GALNT17: variants seen among roughly 807,000 people sequenced by gnomAD.
GALNT17 encodes UDP-GalNAc:polypeptide N-acetylgalactosaminyltransferase-like 3.
A neutral mutation model predicts 63.7 loss-of-function variants in GALNT17; 29 were observed. The ratio of observed to expected loss-of-function variants is 0.46; its 90% confidence interval spans 0.34 to 0.62. The LOEUF is 0.62. Among genes scored for constraint, GALNT17 ranks in the 20% least tolerant of loss-of-function variants. The pLI, the probability that GALNT17 is intolerant of heterozygous loss-of-function variation, is 0.01. For synonymous variants in GALNT17, 305 were observed against 318.3 expected (o/e 0.96, Z 0.45); for missense variants, 603 against 799.6 (o/e 0.75, Z 2.97).
At chr7:71,255,638 G>C (rs1790275289) in intron 1 of GALNT17, among the ~76,000 whole-genome samples, 1 of 152,108 alleles carries the variant, frequency 6.6e-6, no homozygotes, top group Non-Finnish European at 1.5e-5. Flanking sequence ...GTGAGTTCAG[G>C]GGAGAAGGTG....
At chr7:71,505,729 C>G (rs948776048) in intron 5 of GALNT17, among the ~76,000 whole-genome samples, 1 of 152,196 alleles carries the variant, frequency 6.6e-6, no homozygotes, top group Non-Finnish European at 1.5e-5. Flanking sequence ...CTGCTGTTAA[C>G]TATGTGAATA....
Position 71,709,758 on chromosome 7 carries a change from C to T in GALNT17, c.1501-1003C>T, listed in dbSNP as rs769934370. ...GGATTATAGTTGCTCACCACCACAC[C>T]CAGCTGATTTTTGTAGTTTTAGAAG... On this transcript the variant is annotated intron_variant, in intron 9 of 10. Transcript: ENST00000333538. 8.6e-4 allele frequency among the ~76,000 whole-genome samples: 130 copies of T among 151,974 alleles called. 1 individual carries two copies. Among genetic ancestry groups the T allele is most frequent in the Non-Finnish European group, 1.2e-3 (83 of 68,004 alleles).
Position 71,648,991 on chromosome 7 carries a change from G to C in GALNT17, c.1081-16420G>C, listed in dbSNP as rs147069345. Among the ~76,000 whole-genome samples the C allele has an allele frequency of 1.6e-3, 248 of 152,342 alleles. 3 individuals carry two copies. Among genetic ancestry groups the C allele is most frequent in the African/African-American group, 5.8e-3 (243 of 41,588 alleles). On this transcript the variant is annotated intron_variant, in intron 6 of 10. Transcript: ENST00000333538. The stretch of plus-strand genomic sequence containing the variant: ...CTTATGGGCCCCACATTGGTGCCCA[G>C]TTCTAGGTGATGTCTTTTAGGGTCC...
intron 2 of GALNT17, among the ~76,000 whole-genome samples, chr7:71,340,545 C>T (rs1454828349): frequency 3.3e-5 from 5 of 152,158 alleles, no homozygotes; most frequent in African/African-American, 9.7e-5. Flanking sequence ...TTGCATAAAG[C>T]AGTCCTGCTC....
chr7:71,215,814 C>G (rs1288864408), intron 1 of GALNT17, among the ~76,000 whole-genome samples: 5 of 152,098 alleles, frequency 3.3e-5, no homozygotes, highest in Non-Finnish European at 5.9e-5. Context: ...CTCAGGAACC[C>G]TTCACAATCT....
chr7:71,549,657 T>C (rs1006901250), intron 5 of GALNT17, among the ~76,000 whole-genome samples: 7 of 151,934 alleles, frequency 4.6e-5, no homozygotes, highest in African/African-American at 7.3e-5. Context: ...ACCGAAAGAG[T>C]AATTGTTTTT....
intron 5 of GALNT17, among the ~76,000 whole-genome samples, chr7:71,483,006 C>T (rs1312058944): frequency 1.3e-5 from 2 of 152,138 alleles, no homozygotes; most frequent in East Asian, 1.9e-4. Context: ...TGCTCGCCTG[C>T]GGGCCGCTCA....
intron 6 of GALNT17, among the ~76,000 whole-genome samples, chr7:71,590,613 A>G (rs1789783301): frequency 1.3e-5 from 2 of 152,216 alleles, no homozygotes; most frequent in South Asian, 2.1e-4. Context: ...ATTTTCTACT[A>G]TTTCCACAGA....
chr7:71,241,511 C>G (rs969721034), intron 1 of GALNT17, among the ~76,000 whole-genome samples: 1 of 152,146 alleles, frequency 6.6e-6, no homozygotes, highest in Non-Finnish European at 1.5e-5. Context: ...CAAAGTGCCA[C>G]GTTCCATTTC....
chr7:71,662,839 A>G (rs1311379465), intron 6 of GALNT17, among the ~76,000 whole-genome samples: 2 of 152,168 alleles, frequency 1.3e-5, no homozygotes, highest in Non-Finnish European at 2.9e-5. Flanking sequence ...AGAGTTTTAT[A>G]GTTTTAGCTC....
intron 1 of GALNT17, among the ~76,000 whole-genome samples, chr7:71,302,637 A>C (rs1021793402): frequency 1.3e-5 from 2 of 152,134 alleles, no homozygotes; most frequent in African/African-American, 4.8e-5. Flanking sequence ...TGGGGAGACA[A>C]AGCTAGGCTG....
intron 1 of GALNT17, among the ~76,000 whole-genome samples, chr7:71,329,628 A>T (rs1791767750): frequency 6.6e-6 from 1 of 152,068 alleles, no homozygotes. Flanking sequence ...GGAAGCAGGC[A>T]CAATCTTCAC....
chr7:71,414,182 A>G (rs1583931429), intron 3 of GALNT17, among the ~76,000 whole-genome samples: 1 of 152,178 alleles, frequency 6.6e-6, no homozygotes, highest in Non-Finnish European at 1.5e-5. Context: ...TGGAGGTTGC[A>G]GTGAGCTGAG....
At chr7:71,246,297 A>G (rs1790096266) in intron 1 of GALNT17, among the ~76,000 whole-genome samples, 1 of 150,870 alleles carries the variant, frequency 6.6e-6, no homozygotes. Flanking sequence ...TAATTTTTGT[A>G]TTCTTAGTAG....
chr7:71,190,540 A>T (rs1237977443), intron 1 of GALNT17, among the ~76,000 whole-genome samples: 1 of 152,180 alleles, frequency 6.6e-6, no homozygotes, highest in East Asian at 1.9e-4. Context: ...ATGTGAGCCA[A>T]TTCAATCTCT....
intron 1 of GALNT17, among the ~76,000 whole-genome samples, chr7:71,234,551 A>G (rs1459034612): frequency 1.3e-5 from 2 of 152,160 alleles, no homozygotes; most frequent in South Asian, 2.1e-4. Flanking sequence ...GATGTGAGCC[A>G]CCGCTCCCGA....
At chr7:71,572,500 T>C (rs1050403175) in intron 6 of GALNT17, among the ~76,000 whole-genome samples, 64 of 57,934 alleles carry the variant, frequency 1.1e-3, no homozygotes, top group South Asian at 9.2e-4. Flanking sequence ...AGACCCTGTC[T>C]CATTAAAAAA....
chr7:71,442,076 G>T (rs1375755467), intron 5 of GALNT17, among the ~76,000 whole-genome samples: 1 of 152,096 alleles, frequency 6.6e-6, no homozygotes, highest in African/African-American at 2.4e-5. Context: ...TTCCACAATG[G>T]TTGAACTGAT....
At chr7:71,230,080 A>G (rs1789759772) in intron 1 of GALNT17, among the ~76,000 whole-genome samples, 2 of 152,134 alleles carry the variant, frequency 1.3e-5, no homozygotes, top group African/African-American at 4.8e-5. Flanking sequence ...GGGTGAGAGG[A>G]TGGAGGGGTT....
Sources: gnomAD v4.1 joint callset for allele counts (sites outside exome capture counted in the v4.1 genomes callset) on GRCh38, gnomAD v4.1.1 for gene constraint, MANE v1.5 for transcripts, NCBI Gene and HGNC (gene_info 2026-07-23, HGNC 2026-07-21) for gene names.